Variants in PPP2R5E observed in about 807,000 individuals in gnomAD.
PPP2R5E encodes protein phosphatase 2 regulatory subunit B'epsilon.
Under a neutral mutation model 65.3 loss-of-function variants are expected in PPP2R5E, and 4 were observed. The observed-to-expected ratio is 0.06, with a 90% CI of 0.03 to 0.14. The LOEUF (loss-of-function observed/expected upper bound fraction) is 0.14. PPP2R5E is among the 10% of genes least tolerant of loss of function. The pLI is 1.00. For missense variants in PPP2R5E, 274 were observed against 556.1 expected (o/e 0.49, Z 5.10); for synonymous variants, 183 against 187.4 (o/e 0.98, Z 0.19).
intron 11 of PPP2R5E, 55 bp from the exon 12 acceptor site, chr14:63,384,626 A>C: frequency 6.9e-7 from 1 of 1,451,146 alleles, no homozygotes; most frequent in Non-Finnish European, 9.4e-7. Context: ...AAGATAAAAC[A>C]AAATTATAAA....
intron 3 of PPP2R5E, among the ~76,000 whole-genome samples, chr14:63,433,021 TG>T (rs1331005416): frequency 7.1e-6 from 1 of 141,310 alleles, no homozygotes; most frequent in African/African-American, 2.9e-5. Context: ...TTTTGTTTTT[TG>T]TTTTGTTTTG....
At chr14:63,492,912 A>G (rs1459663909) in intron 2 of PPP2R5E, among the ~76,000 whole-genome samples, 1 of 152,140 alleles carries the variant, frequency 6.6e-6, no homozygotes, top group African/African-American at 2.4e-5. Flanking sequence ...TTATAGCCTC[A>G]TAGAAGATAC....
intron 2 of PPP2R5E, among the ~76,000 whole-genome samples, chr14:63,482,225 G>A (rs1890738544): frequency 6.6e-6 from 1 of 152,218 alleles, no homozygotes; most frequent in African/African-American, 2.4e-5. Context: ...AGCACTTTGA[G>A]AGGCTGAGGT....
At chr14:63,536,336 C>G (rs1326641322) in intron 2 of PPP2R5E, among the ~76,000 whole-genome samples, 2 of 152,166 alleles carry the variant, frequency 1.3e-5, no homozygotes, top group African/African-American at 2.4e-5. Context: ...TGAAATACCA[C>G]TTCATACCTA....
intron 2 of PPP2R5E, among the ~76,000 whole-genome samples, chr14:63,470,683 A>C (rs1052196670): frequency 3.3e-5 from 5 of 151,348 alleles, no homozygotes; most frequent in African/African-American, 1.2e-4. Flanking sequence ...CACCTAATCT[A>C]CTTTCACAGG....
At chr14:63,435,343 T>G (rs942079816) in intron 3 of PPP2R5E, among the ~76,000 whole-genome samples, 7 of 152,052 alleles carry the variant, frequency 4.6e-5, no homozygotes, top group African/African-American at 1.4e-4. Flanking sequence ...ACCGAAACTA[T>G]GGGTGATTCT....
At chr14:63,392,867 T>G (rs1885103519) in intron 8 of PPP2R5E, among the ~76,000 whole-genome samples, 1 of 152,224 alleles carries the variant, frequency 6.6e-6, no homozygotes, top group Non-Finnish European at 1.5e-5. Context: ...TTTAAAATCT[T>G]CCTATCCAAA....
chr14:63,424,264 T>C (rs1039386863), intron 3 of PPP2R5E, among the ~76,000 whole-genome samples: 7 of 152,096 alleles, frequency 4.6e-5, no homozygotes, highest in Admixed American at 1.3e-4. Flanking sequence ...ACTTGCTTAT[T>C]TTAGCGGAGA....
At chr14:63,477,855 T>C (rs1396942027) in intron 2 of PPP2R5E, among the ~76,000 whole-genome samples, 1 of 151,168 alleles carries the variant, frequency 6.6e-6, no homozygotes, top group Non-Finnish European at 1.5e-5. Flanking sequence ...GAGAAAAAAA[T>C]TTAAATATAT....
intron 2 of PPP2R5E, among the ~76,000 whole-genome samples, chr14:63,522,146 G>C (rs1436749166): frequency 6.6e-6 from 1 of 152,048 alleles, no homozygotes; most frequent in Non-Finnish European, 1.5e-5. Flanking sequence ...GGGTTTCGCT[G>C]TGTTGGCCGG....
intron 2 of PPP2R5E, among the ~76,000 whole-genome samples, chr14:63,499,050 C>T (rs148266716): frequency 5.9e-5 from 9 of 152,122 alleles, no homozygotes; most frequent in African/African-American, 1.4e-4. Context: ...TTTATATATG[C>T]ACGTTTACTT....
chr14:63,518,722 C>G (rs781386637), intron 2 of PPP2R5E, among the ~76,000 whole-genome samples: 8 of 152,050 alleles, frequency 5.3e-5, no homozygotes, highest in Non-Finnish European at 1.2e-4. Context: ...GACAAGAGAA[C>G]TTTTTAAAAT....
chr14:63,446,402 C>T (rs1389475878), intron 3 of PPP2R5E, among the ~76,000 whole-genome samples: 2 of 152,082 alleles, frequency 1.3e-5, no homozygotes, highest in African/African-American at 4.8e-5. Flanking sequence ...TTGTTTTGCC[C>T]AGATCCATCA....
At chr14:63,488,117 T>C (rs1891085166) in intron 2 of PPP2R5E, among the ~76,000 whole-genome samples, 3 of 152,166 alleles carry the variant, frequency 2.0e-5, no homozygotes, top group African/African-American at 7.2e-5. Context: ...CACACCTACT[T>C]AGGACAATTT....
chr14:63,492,140 G>A (rs1441177866), intron 2 of PPP2R5E, among the ~76,000 whole-genome samples: 3 of 151,862 alleles, frequency 2.0e-5, no homozygotes, highest in Non-Finnish European at 2.9e-5. Flanking sequence ...TACTACCTCT[G>A]AACAAGAATT....
chr14:63,530,226 GTTTTTTTTTTTTTT>G, intron 2 of PPP2R5E, among the ~76,000 whole-genome samples: 1 of 99,458 alleles, frequency 1.0e-5, no homozygotes, highest in East Asian at 2.9e-4. Context: ...AAATTTTTCC[GTTTTTTTTTTTTTT>G]TTTTTTTTTG....
intron 1 of PPP2R5E, among the ~76,000 whole-genome samples, chr14:63,541,461 A>C (rs1178841210): frequency 6.6e-6 from 1 of 152,244 alleles, no homozygotes. Context: ...AGTTATTAAA[A>C]TGAAGGCTAT....
intron 2 of PPP2R5E, among the ~76,000 whole-genome samples, chr14:63,526,157 G>A (rs960037206): frequency 3.3e-5 from 5 of 152,114 alleles, no homozygotes; most frequent in African/African-American, 1.2e-4. Context: ...ACCATGCCTG[G>A]CCCTCTTCAT....
At chr14:63,494,387 C>T (rs1183993845) in intron 2 of PPP2R5E, among the ~76,000 whole-genome samples, 1 of 151,956 alleles carries the variant, frequency 6.6e-6, no homozygotes, top group Admixed American at 6.6e-5. Flanking sequence ...GTGTGTACCA[C>T]CACACTCGGC....
Sources: allele counts gnomAD v4.1 joint callset (sites outside exome capture counted in the v4.1 genomes callset), GRCh38; gene constraint gnomAD v4.1.1; transcripts MANE v1.5; gene names NCBI Gene and HGNC (gene_info 2026-07-23, HGNC 2026-07-21).